ASAP1: variants seen among roughly 807,000 people sequenced by gnomAD.
The protein encoded by ASAP1 is ArfGAP with SH3 domain, ankyrin repeat and PH domain 1.
In ASAP1, 43 loss-of-function variants were observed where a neutral mutation model predicts 145.2. The observed-to-expected ratio is 0.30, with a 90% CI of 0.23 to 0.38. The LOEUF is 0.38. Among genes scored for constraint, ASAP1 ranks in the 10% least tolerant of loss-of-function variants. ASAP1 has a pLI of 1.00. For synonymous variants in ASAP1, 546 were observed against 515.5 expected (o/e 1.06, Z -0.80); for missense variants, 1,018 against 1,355.3 (o/e 0.75, Z 3.91).
In ASAP1 at chr8:130,387,285, C is replaced by T. The variant is rs571783859; in HGVS notation, c.59+14600G>A. ...AAGTGGTGGCTCACACCTGTAATCCCGGCATTTGGGGAGGCCGAGGTGGGC... is the reference window on the plus strand; with the variant it reads ...AAGTGGTGGCTCACACCTGTAATCCTGGCATTTGGGGAGGCCGAGGTGGGC... On this transcript the variant is annotated intron_variant, in intron 2 of 29. Transcript: ENST00000518721. Among the ~76,000 whole-genome samples the T allele has an allele frequency of 2.0e-4, 31 of 152,282 alleles. 1 individual carries two copies. Among genetic ancestry groups the T allele is most frequent in the South Asian group, 4.1e-4 (2 of 4,832 alleles).
intron 3 of ASAP1, among the ~76,000 whole-genome samples, chr8:130,347,571 T>TC (rs1825770545): frequency 6.6e-6 from 1 of 152,168 alleles, no homozygotes; most frequent in African/African-American, 2.4e-5. Context: ...ACGGTGTGCT[T>TC]CCCTATCCTC....
intron 7 of ASAP1, among the ~76,000 whole-genome samples, chr8:130,184,152 CCTATT>C (rs1401605399): frequency 6.6e-6 from 1 of 152,148 alleles, no homozygotes; most frequent in Non-Finnish European, 1.5e-5. Context: ...GAAATTCAAT[CCTATT>C]CTACCATTCA....
At position 130,053,776 on chromosome 8, in the gene ASAP1, T is replaced by G. The variant is rs187460345; in HGVS notation, c.*955A>C. On this transcript the variant is annotated 3_prime_UTR_variant, in exon 30 of 30. Transcript: ENST00000518721. ...AGATGTGCATTCATAACACAATATGTCAATCCATACTCTTGAGAAAGCCAG... is the reference window on the plus strand; with the variant it reads ...AGATGTGCATTCATAACACAATATGGCAATCCATACTCTTGAGAAAGCCAG... 1 of 152,234 alleles carries G rather than the reference T, an allele frequency of 6.6e-6. No homozygotes were observed. Among genetic ancestry groups the G allele is most frequent in the African/African-American group, 2.4e-5 (1 of 41,466 alleles). The allele number at this position is 152,234 out of a possible 1,614,324, so 9.4% of individuals were successfully genotyped here. A position where few individuals can be genotyped will look rare whatever the true frequency, so the allele number is the denominator to read the frequency against.
rs187774182 is a variant in ASAP1 at position 130,054,480 on chromosome 8, G to C, written c.*251C>G. ...GTTTGCTTGTAGAACAGCATAGAGA[G>C]ATGTAAGTGCTAGATGCCAAGGATG... On this transcript the variant is annotated 3_prime_UTR_variant, in exon 30 of 30. Transcript: ENST00000518721. 8.4e-5 allele frequency: 35 copies of C among 414,902 alleles called. No individual in the cohort carries two copies. The highest frequency in any genetic ancestry group is 6.2e-4 in the African/African-American group (31 of 49,694). The allele number at this position is 414,902 out of a possible 1,614,324, so 25.7% of individuals were successfully genotyped here.
chr8:130,383,393 G>A (rs1388529276), intron 2 of ASAP1, among the ~76,000 whole-genome samples: 3 of 152,328 alleles, frequency 2.0e-5, no homozygotes, highest in Middle Eastern at 3.4e-3. Flanking sequence ...CACAGAACCA[G>A]TAGAGACCAT....
intron 5 of ASAP1, among the ~76,000 whole-genome samples, chr8:130,213,443 C>A (rs954915911): frequency 1.3e-5 from 2 of 152,164 alleles, no homozygotes; most frequent in African/African-American, 2.4e-5. Flanking sequence ...AATAGGTTAT[C>A]TTCATCTGTA....
chr8:130,061,696 C>T (rs553579427), intron 27 of ASAP1, among the ~76,000 whole-genome samples: 4 of 152,268 alleles, frequency 2.6e-5, no homozygotes, highest in Non-Finnish European at 4.4e-5. Context: ...GTGATACACA[C>T]GCGTGTGCTA....
At chr8:130,395,816 G>A (rs535704374) in intron 2 of ASAP1, among the ~76,000 whole-genome samples, 2 of 152,062 alleles carry the variant, frequency 1.3e-5, no homozygotes, top group African/African-American at 4.8e-5. Context: ...ACAGGCACCC[G>A]CCACTACGCC....
intron 1 of ASAP1, among the ~76,000 whole-genome samples, chr8:130,437,884 A>T: frequency 6.6e-6 from 1 of 152,232 alleles, no homozygotes; most frequent in Non-Finnish European, 1.5e-5. Context: ...GGCTCCAACC[A>T]GGATCCCGCC....
intron 24 of ASAP1, among the ~76,000 whole-genome samples, chr8:130,104,374 T>TCATGC (rs903042690): frequency 1.3e-5 from 2 of 152,242 alleles, no homozygotes; most frequent in African/African-American, 4.8e-5. Flanking sequence ...AAGCATTAGG[T>TCATGC]CATGGCCTGT....
At chr8:130,347,876 C>A (rs2138008636) in intron 3 of ASAP1, among the ~76,000 whole-genome samples, 1 of 152,312 alleles carries the variant, frequency 6.6e-6, no homozygotes, top group Admixed American at 6.5e-5. Context: ...AAATATCTCC[C>A]ATGAATCCTT....
chr8:130,162,582 G>A (rs1488001966), intron 11 of ASAP1, among the ~76,000 whole-genome samples: 1 of 152,130 alleles, frequency 6.6e-6, no homozygotes, highest in African/African-American at 2.4e-5. Context: ...ACTTTGGGAG[G>A]CTGAGGCGGG....
At position 130,179,256 on chromosome 8, in the gene ASAP1, C is replaced by T. The variant is rs1223026719; in HGVS notation, c.746+8G>A. The T allele has an allele frequency of 1.3e-6, 2 of 1,564,066 alleles. No individual in the cohort carries two copies. The highest frequency in any genetic ancestry group is 2.3e-5 in the East Asian group (1 of 44,332). On this transcript the variant is annotated splice_region_variant and intron_variant, in intron 9 of 29. Transcript: ENST00000518721. ...GGCTAATAACAATGCTTGCAATATTCTACTCACTTGCACTGTGCATGGTAA... is the reference window on the plus strand; with the variant it reads ...GGCTAATAACAATGCTTGCAATATTTTACTCACTTGCACTGTGCATGGTAA...
At chr8:130,340,633 A>C (rs1415629436) in intron 3 of ASAP1, among the ~76,000 whole-genome samples, 4 of 152,256 alleles carry the variant, frequency 2.6e-5, no homozygotes, top group Admixed American at 2.6e-4. Context: ...ATAACGTCTA[A>C]GAAAGCAGTG....
chr8:130,161,712 TA>T (rs1238965482), intron 11 of ASAP1, among the ~76,000 whole-genome samples: 1 of 152,220 alleles, frequency 6.6e-6, no homozygotes, highest in Admixed American at 6.5e-5. Context: ...AATTGGACAA[TA>T]TTAATCATTT....
chr8:130,300,147 C>CAGAG (rs767665838), intron 3 of ASAP1, among the ~76,000 whole-genome samples: 14 of 100,334 alleles, frequency 1.4e-4, no homozygotes, highest in African/African-American at 4.6e-4. Context: ...CACACACACA[C>CAGAG]ACACACAGAG....
intron 29 of ASAP1, 83 bp from the exon 30 acceptor site, chr8:130,054,888 A>G: frequency 1.8e-6 from 2 of 1,090,122 alleles, no homozygotes; most frequent in Non-Finnish European, 2.8e-6. Context: ...AGCCCAGCCT[A>G]GTCTGCCCAC....
intron 25 of ASAP1, among the ~76,000 whole-genome samples, chr8:130,080,289 A>T (rs561515439): frequency 1.3e-5 from 2 of 152,286 alleles, no homozygotes; most frequent in African/African-American, 4.8e-5. Flanking sequence ...GGGTAGAGAA[A>T]GAAGAATAAA....
chr8:130,059,201 G>A (rs948258024), intron 28 of ASAP1, among the ~76,000 whole-genome samples: 1 of 149,964 alleles, frequency 6.7e-6, no homozygotes, highest in African/African-American at 2.5e-5. Context: ...GTTTCACTCT[G>A]TTGCCCAGGC....
Sources: allele counts gnomAD v4.1 joint callset (sites outside exome capture counted in the v4.1 genomes callset), GRCh38; gene constraint gnomAD v4.1.1; transcripts MANE v1.5; gene names NCBI Gene and HGNC (gene_info 2026-07-23, HGNC 2026-07-21).